ST18: variants seen among roughly 807,000 people sequenced by gnomAD.
ST18 encodes the protein suppression of tumorigenicity 18 protein.
ST18 carries 50 observed loss-of-function variants against 110.0 expected under a neutral mutation model. The ratio of observed to expected loss-of-function variants is 0.45; its 90% CI spans 0.36 to 0.58. The LOEUF (loss-of-function observed/expected upper bound fraction) is 0.58, where lower values mean the gene tolerates loss of function less well. ST18 is among the 20% of genes least tolerant of loss of function. The probability of loss-of-function intolerance (pLI) is 0.00; values close to 1 mark genes in which losing one functional copy is unlikely to be tolerated. For missense variants in ST18, 1,306 were observed against 1,280.1 expected (o/e 1.02, Z -0.31); for synonymous variants, 461 against 452.4 (o/e 1.02, Z -0.24).
At chr8:52,135,867 A>G (rs913557116) in intron 19 of ST18, among the ~76,000 whole-genome samples, 4 of 152,302 alleles carry the variant, frequency 2.6e-5, no homozygotes, top group African/African-American at 9.6e-5. Flanking sequence ...TTGTTTTACC[A>G]GTAGATGTAG....
chr8:52,273,589 T>C (rs2095145486), intron 2 of ST18, among the ~76,000 whole-genome samples: 1 of 152,168 alleles, frequency 6.6e-6, no homozygotes, highest in Admixed American at 6.5e-5. Context: ...TATACAAGGA[T>C]CTGTCAACAG....
intron 15 of ST18, 52 bp downstream of exon 15, chr8:52,158,846 A>C: frequency 6.3e-7 from 1 of 1,598,322 alleles, no homozygotes; most frequent in African/African-American, 1.3e-5. Flanking sequence ...AAGGCAGTTT[A>C]TTCTCACAGT....
chr8:52,343,012 A>G (rs535924740), intron 2 of ST18, among the ~76,000 whole-genome samples: 1 of 152,302 alleles, frequency 6.6e-6, no homozygotes, highest in South Asian at 2.1e-4. Flanking sequence ...TACGTTGCCT[A>G]CAGTCATCAA....
At chr8:52,116,165 G>T in intron 25 of ST18, 110 bp downstream of exon 25, 2 of 1,272,142 alleles carry the variant, frequency 1.6e-6, no homozygotes, top group South Asian at 1.5e-5. Flanking sequence ...GTCACTCTGT[G>T]ACTGCTCACA....
intron 15 of ST18, among the ~76,000 whole-genome samples, chr8:52,153,703 C>T (rs1187105296): frequency 6.6e-6 from 1 of 152,180 alleles, no homozygotes; most frequent in East Asian, 1.9e-4. Flanking sequence ...CGCTGCTTGG[C>T]CAGCAGCTTA....
intron 16 of ST18, among the ~76,000 whole-genome samples, chr8:52,146,501 C>T (rs949664595): frequency 3.3e-5 from 5 of 151,212 alleles, no homozygotes; most frequent in Non-Finnish European, 7.4e-5. Context: ...TAGGGAATTC[C>T]AGGCCTATTA....
intron 2 of ST18, among the ~76,000 whole-genome samples, chr8:52,253,147 G>T (rs937667854): frequency 6.6e-6 from 1 of 151,504 alleles, no homozygotes; most frequent in Admixed American, 6.6e-5. Context: ...TAAGATTATA[G>T]AAGTTACAGT....
At chr8:52,153,926 G>A (rs2059398744) in intron 15 of ST18, among the ~76,000 whole-genome samples, 1 of 152,206 alleles carries the variant, frequency 6.6e-6, no homozygotes, top group South Asian at 2.1e-4. Context: ...ATAGTACCTG[G>A]CACATAATAC....
In ST18 at chr8:52,172,164, C is replaced by T; in HGVS notation, c.697G>A (p.Val233Ile). Residue 233 changes from valine to isoleucine, a missense_variant, in exon 10 of 26, where the codon GTT (valine) becomes ATT (isoleucine). Physicochemically the swap from Val to Ile is conservative, Grantham distance 29. Coordinates refer to ENST00000689386, the MANE Select transcript of ST18 (RefSeq NM_001352837.2). Reference sequence around the variant, plus strand: ...TCACCTTCAGTTTTTATTTCAGGAACTTCCAATAGGTCTTTTTTATGATCT... The same window carrying T: ...TCACCTTCAGTTTTTATTTCAGGAATTTCCAATAGGTCTTTTTTATGATCT... ...LTDHKKDLLE[V>I]PEIKTEGDKF... 1 of 1,614,186 alleles carries T rather than the reference C, an allele frequency of 6.2e-7. No homozygotes were observed. Among genetic ancestry groups the T allele is most frequent in the Non-Finnish European group, 8.5e-7 (1 of 1,180,036 alleles).
intron 2 of ST18, among the ~76,000 whole-genome samples, chr8:52,261,048 C>T (rs1308023953): frequency 6.6e-6 from 1 of 152,142 alleles, no homozygotes; most frequent in African/African-American, 2.4e-5. Flanking sequence ...CAAGCAAAAC[C>T]AACAAGCCTG....
intron 15 of ST18, among the ~76,000 whole-genome samples, chr8:52,153,504 T>A (rs142262958): frequency 2.9e-4 from 44 of 152,330 alleles, no homozygotes; most frequent in African/African-American, 9.9e-4. Context: ...AGTAAACAGA[T>A]GAAATGAAAA....
At chr8:52,310,378 C>G (rs2095884133) in intron 2 of ST18, among the ~76,000 whole-genome samples, 1 of 135,394 alleles carries the variant, frequency 7.4e-6, no homozygotes, top group Non-Finnish European at 1.6e-5. Context: ...CACTGTGTAA[C>G]TACTGTGTCT....
At chr8:52,209,786 AAAAT>A (rs1284052069) in intron 8 of ST18, among the ~76,000 whole-genome samples, 24 of 133,550 alleles carry the variant, frequency 1.8e-4, no homozygotes, top group Middle Eastern at 3.8e-3. Flanking sequence ...AAAAAAAAAA[AAAAT>A]ATATATATAT....
At chr8:52,134,197 A>G (rs2051017687) in intron 19 of ST18, among the ~76,000 whole-genome samples, 1 of 152,212 alleles carries the variant, frequency 6.6e-6, no homozygotes, top group Admixed American at 6.5e-5. Context: ...GTCCTGCTTC[A>G]TGGCCCAAGT....
intron 2 of ST18, among the ~76,000 whole-genome samples, chr8:52,237,697 G>T (rs2092869870): frequency 6.6e-6 from 1 of 152,240 alleles, no homozygotes. Flanking sequence ...CAATGCAGTT[G>T]AAAGCAGTGA....
intron 2 of ST18, among the ~76,000 whole-genome samples, chr8:52,231,684 C>T (rs1662598106): frequency 1.3e-5 from 2 of 152,148 alleles, no homozygotes; most frequent in Non-Finnish European, 2.9e-5. Flanking sequence ...ACCATGTTGG[C>T]CAGGATGGTC....
intron 21 of ST18, among the ~76,000 whole-genome samples, chr8:52,132,381 G>C (rs1485222180): frequency 6.6e-6 from 1 of 152,224 alleles, no homozygotes; most frequent in Admixed American, 6.5e-5. Flanking sequence ...ACTGGGTAGA[G>C]AGTATTATTA....
chr8:52,219,164 C>T (rs2085631255), intron 5 of ST18, among the ~76,000 whole-genome samples: 1 of 151,980 alleles, frequency 6.6e-6, no homozygotes. Context: ...TGGGGCAGCT[C>T]ACAATGGGAG....
At chr8:52,257,680 A>G (rs912989199) in intron 2 of ST18, among the ~76,000 whole-genome samples, 1 of 152,124 alleles carries the variant, frequency 6.6e-6, no homozygotes, top group African/African-American at 2.4e-5. Flanking sequence ...TATGTATTCT[A>G]GATACAAGTT....
Sources: allele counts gnomAD v4.1 joint callset (sites outside exome capture counted in the v4.1 genomes callset), GRCh38; gene constraint gnomAD v4.1.1; transcripts MANE v1.5; gene names NCBI Gene and HGNC (gene_info 2026-07-23, HGNC 2026-07-21).